The following HPSE2 variants were observed in gnomAD, a reference collection of about 807,000 sequenced individuals.
The protein encoded by HPSE2 is inactive heparanase-2.
A neutral mutation model predicts 60.5 loss-of-function variants in HPSE2; 38 were observed. The observed-to-expected ratio is 0.63, with a 90% CI of 0.48 to 0.82. The LOEUF is 0.82. Ranked by LOEUF, HPSE2 falls within the 40% of genes least tolerant of loss-of-function variation. The probability of loss-of-function intolerance (pLI) is 0.00; values close to 1 mark genes in which losing one functional copy is unlikely to be tolerated. For missense variants in HPSE2, 713 were observed against 740.4 expected (o/e 0.96, Z 0.43); for synonymous variants, 295 against 293.2 (o/e 1.01, Z -0.06).
At position 98,482,706 on chromosome 10, in the gene HPSE2, C is replaced by A; in HGVS notation, c.1543G>T (p.Gly515Trp). 1 of 1,614,166 alleles carries A rather than the reference C, an allele frequency of 6.2e-7. No homozygotes were observed. Among genetic ancestry groups the A allele is most frequent in the Non-Finnish European group, 8.5e-7 (1 of 1,180,020 alleles). ...TGAACCAGCTTGTCTCTGAGAGTCC[C>A]AGCCAGCTTGATTTTCTTTCTTGAT... ...HRSRKKIKLA[G>W]TLRDKLVHQY... Residue 515 changes from glycine to tryptophan, a missense_variant, in exon 11 of 12, where the codon GGG (glycine) becomes TGG (tryptophan). Physicochemically the swap from Gly to Trp is radical, Grantham distance 184. Transcript: ENST00000370552.
chr10:98,780,233 C>T (rs1950433729), intron 3 of HPSE2, among the ~76,000 whole-genome samples: 1 of 152,104 alleles, frequency 6.6e-6, no homozygotes, highest in East Asian at 1.9e-4. Flanking sequence ...CTGAGGGAAG[C>T]TTGCAAAGTG....
chr10:98,521,238 C>T (rs1236763923), intron 9 of HPSE2, among the ~76,000 whole-genome samples: 2 of 152,042 alleles, frequency 1.3e-5, no homozygotes, highest in African/African-American at 2.4e-5. Context: ...TGCAATCTAC[C>T]CATCTGACAA....
intron 2 of HPSE2, among the ~76,000 whole-genome samples, chr10:99,200,344 T>C (rs979479334): frequency 1.6e-4 from 24 of 152,176 alleles, no homozygotes; most frequent in African/African-American, 5.8e-4. Context: ...TATAACCAGA[T>C]TTCTCGTTAG....
the HPSE2 span, among the ~76,000 whole-genome samples, chr10:99,243,429 A>T: frequency 6.6e-6 from 1 of 152,152 alleles, no homozygotes. Flanking sequence ...AGCTCTACTG[A>T]CTACACTTCG....
intron 2 of HPSE2, among the ~76,000 whole-genome samples, chr10:99,155,635 C>A (rs1458764611): frequency 6.9e-6 from 1 of 144,808 alleles, no homozygotes. Flanking sequence ...GCACTAAATG[C>A]CCACAAGAGA....
At chr10:99,249,561 G>A in the HPSE2 span, among the ~76,000 whole-genome samples, 1,031 of 152,312 alleles carry the variant, frequency 6.8e-3, 11 homozygotes, top group Non-Finnish European at 0.011. Flanking sequence ...TGTCTCAGAT[G>A]AGACTTTGGA....
intron 9 of HPSE2, among the ~76,000 whole-genome samples, chr10:98,605,048 A>G (rs1258423181): frequency 6.6e-6 from 1 of 152,210 alleles, no homozygotes; most frequent in Non-Finnish European, 1.5e-5. Flanking sequence ...GGTAACTAAT[A>G]TTACAAATAT....
rs117244090 is a variant in HPSE2, at chr10:98,615,081, T to C, written c.1206-63A>G. ...TTTAAATGGCATATAACAAGCTCTA[T>C]AGAGACTGGCTACTATATACACATA... is the stretch of plus-strand genomic sequence containing the variant. On this transcript the variant is annotated intron_variant, in intron 8 of 11. Coordinates refer to ENST00000370552, the MANE Select transcript of HPSE2 (RefSeq NM_021828.5). 5.5e-4 allele frequency: 648 copies of C among 1,187,886 alleles called. 2 individuals carry two copies. The highest frequency in any genetic ancestry group is 1.8e-4 in the Non-Finnish European group (141 of 792,140). The allele number at this position is 1,187,886 out of a possible 1,614,324, so 73.6% of individuals were successfully genotyped here.
At chr10:98,684,425 GAT>G (rs1365064060) in intron 6 of HPSE2, among the ~76,000 whole-genome samples, 1 of 151,390 alleles carries the variant, frequency 6.6e-6, no homozygotes, top group Non-Finnish European at 1.5e-5. Flanking sequence ...TAAAAATAGA[GAT>G]AGTTAATAAA....
At position 98,672,067 on chromosome 10, in the gene HPSE2, C is replaced by T. The variant is rs1947520166; in HGVS notation, c.1004+21833G>A. On this transcript the variant is annotated intron_variant, in intron 6 of 11. Transcript: ENST00000370552. ...AACTATACTAATTACATACAATGTA[C>T]ATGAATAAAAAATTACATAAATTTT... 2.0e-5 allele frequency among the ~76,000 whole-genome samples: 3 copies of T among 152,296 alleles called. No homozygotes were observed. In the South Asian group the frequency reaches 6.2e-4, roughly 32 times the overall value.
intron 4 of HPSE2, among the ~76,000 whole-genome samples, chr10:98,730,534 G>A (rs189590628): frequency 6.6e-6 from 1 of 151,782 alleles, no homozygotes; most frequent in Admixed American, 6.6e-5. Context: ...GCGAAAGTTG[G>A]TTATTTGAAA....
chr10:98,690,560 A>G (rs911983503), intron 6 of HPSE2, among the ~76,000 whole-genome samples: 2 of 152,122 alleles, frequency 1.3e-5, no homozygotes, highest in African/African-American at 4.8e-5. Flanking sequence ...AATAAAAATA[A>G]TAATAATAAC....
At chr10:98,880,829 C>T (rs1052202871) in intron 3 of HPSE2, among the ~76,000 whole-genome samples, 44 of 151,920 alleles carry the variant, frequency 2.9e-4, no homozygotes, top group African/African-American at 1.0e-3. Flanking sequence ...AACAAAGAAG[C>T]AAAATCAATA....
chr10:98,983,432 T>C (rs925814775), intron 3 of HPSE2, among the ~76,000 whole-genome samples: 70 of 152,158 alleles, frequency 4.6e-4, no homozygotes, highest in African/African-American at 1.6e-3. Context: ...GAAGCAGGCT[T>C]TTCAGTGATT....
chr10:98,896,076 A>G (rs1953483623), intron 3 of HPSE2, among the ~76,000 whole-genome samples: 1 of 151,924 alleles, frequency 6.6e-6, no homozygotes, highest in African/African-American at 2.4e-5. Context: ...CCTAAAACTT[A>G]AAGTATAATA....
chr10:98,833,618 G>A (rs543672167), intron 3 of HPSE2, among the ~76,000 whole-genome samples: 82 of 152,152 alleles, frequency 5.4e-4, no homozygotes, highest in Non-Finnish European at 9.9e-4. Context: ...TTTTACCAAT[G>A]GGGAAACTGA....
At chr10:99,093,951 T>C (rs1843608188) in intron 3 of HPSE2, among the ~76,000 whole-genome samples, 1 of 152,228 alleles carries the variant, frequency 6.6e-6, no homozygotes. Flanking sequence ...TATAGATATA[T>C]ATTTTCAATT....
At chr10:99,080,783 A>G (rs3979227) in intron 3 of HPSE2, among the ~76,000 whole-genome samples, 77,255 of 152,082 alleles carry the variant, frequency 0.51, 21,404 homozygotes, top group East Asian at 0.65. Flanking sequence ...CACTAAAGCC[A>G]ATGCTCTTGC....
At chr10:98,684,724 G>A (rs1271196233) in intron 6 of HPSE2, among the ~76,000 whole-genome samples, 1 of 152,078 alleles carries the variant, frequency 6.6e-6, no homozygotes, top group African/African-American at 2.4e-5. Context: ...CACTGTGAAG[G>A]TTGCTTCTGG....
Sources: allele counts gnomAD v4.1 joint callset (sites outside exome capture counted in the v4.1 genomes callset), GRCh38; gene constraint gnomAD v4.1.1; transcripts MANE v1.5; gene names NCBI Gene and HGNC (gene_info 2026-07-23, HGNC 2026-07-21).